CCDC178: variants seen among roughly 807,000 people sequenced by gnomAD.
CCDC178 encodes the protein coiled-coil domain-containing protein 178.
A neutral mutation model predicts 117.4 loss-of-function variants in CCDC178; 126 were observed. The ratio of observed to expected loss-of-function variants is 1.07; its 90% CI spans 0.93 to 1.24. The LOEUF is 1.24. CCDC178 is among the 50% of genes most tolerant of loss of function. The pLI is 0.00. For synonymous variants in CCDC178, 283 were observed against 313.4 expected (o/e 0.90, Z 1.02); for missense variants, 1,030 against 986.9 (o/e 1.04, Z -0.59).
At chr18:33,058,815 GT>G (rs745411197) in intron 21 of CCDC178, among the ~76,000 whole-genome samples, 1 of 151,962 alleles carries the variant, frequency 6.6e-6, no homozygotes, top group Non-Finnish European at 1.5e-5. Flanking sequence ...TTAATGAAGT[GT>G]TTTACCTTGC....
chr18:33,247,075 C>CGTGTGTGT lies in CCDC178; in HGVS notation c.1410-1655_1410-1648dup, dbSNP rs150159104. On this transcript the variant is annotated intron_variant, in intron 14 of 22. Transcript: ENST00000383096. Reference sequence around the variant, plus strand: ...TATGTGTATATATGTAAGTGTGTTACGTGTGTGTGTGTGTGTGTGAGAGAG... The same window carrying CGTGTGTGT: ...TATGTGTATATATGTAAGTGTGTTACGTGTGTGTGTGTGTGTGTGTGTGTGTGAGAGAG... 5.2e-4 allele frequency among the ~76,000 whole-genome samples: 77 copies of CGTGTGTGT among 147,750 alleles called. 2 individuals carry two copies. The East Asian group carries it at 0.013, about 25-fold the overall frequency.
chr18:33,043,774 G>T (rs1366138220), intron 21 of CCDC178, among the ~76,000 whole-genome samples: 1 of 151,738 alleles, frequency 6.6e-6, no homozygotes, highest in Non-Finnish European at 1.5e-5. Context: ...CCAATGCTCA[G>T]ATTTTCTAGC....
At chr18:33,075,263 T>C (rs772912099) in intron 21 of CCDC178, among the ~76,000 whole-genome samples, 8 of 152,212 alleles carry the variant, frequency 5.3e-5, no homozygotes, top group Non-Finnish European at 1.0e-4. Context: ...GAAAAGAGAA[T>C]TGAAGACTTG....
intron 6 of CCDC178, among the ~76,000 whole-genome samples, chr18:33,357,234 C>A (rs1351805747): frequency 6.6e-6 from 1 of 152,098 alleles, no homozygotes; most frequent in African/African-American, 2.4e-5. Flanking sequence ...ACCTTGGGCA[C>A]ATGTTCCTGG....
chr18:33,119,102 CA>C (rs1814700360), intron 20 of CCDC178, among the ~76,000 whole-genome samples: 1 of 152,172 alleles, frequency 6.6e-6, no homozygotes, highest in Admixed American at 6.5e-5. Flanking sequence ...AAAACCTAGG[CA>C]ACATCATTCA....
In CCDC178 at chr18:33,370,157, A is replaced by C; in HGVS notation, c.241T>G (p.Cys81Gly). The change falls in exon 6 of 23, where the codon TGT becomes GGT. Residue 81 changes from cysteine to glycine, a missense_variant. Physicochemically the swap from Cys to Gly is radical, Grantham distance 159. Transcript: ENST00000383096. The part of the protein sequence containing the change: ...VNKGIYFSYP[C>G]RRHSCAVVNI... ...ACTACGGCACAGCTGTGACGTCGACATGGGTAGCTAAAGTAAATGCCTTTA... is the reference window on the plus strand; with the variant it reads ...ACTACGGCACAGCTGTGACGTCGACCTGGGTAGCTAAAGTAAATGCCTTTA... 6.2e-7 allele frequency: 1 copy of C among 1,604,638 alleles called. No individual in the cohort carries two copies. The highest frequency in any genetic ancestry group is 1.3e-5 in the African/African-American group (1 of 74,294).
chr18:33,388,743 T>G (rs1035470763), intron 5 of CCDC178, among the ~76,000 whole-genome samples: 3 of 151,272 alleles, frequency 2.0e-5, no homozygotes, highest in Admixed American at 6.6e-5. Flanking sequence ...ATGGTCTCGA[T>G]CTCCTGACCT....
At position 33,226,832 on chromosome 18, in the gene CCDC178, T is replaced by C. The variant is rs771616282; in HGVS notation, c.1617A>G (p.Lys539=). Residue 539 remains lysine, a synonymous_variant, in exon 16 of 23, where the codon AAA becomes AAG. Transcript: ENST00000383096. ...KFKGREEFLK[K]LTQGEVAAGM... is the part of the protein sequence containing the mutation. ...CAGCAGCCACTTCACCTTGAGTGAG[T>C]TTTTTCAGGAATTCTTCTCTACCCT... The C allele has an allele frequency of 3.1e-6, 5 of 1,601,066 alleles. No homozygotes were observed. Among genetic ancestry groups the C allele is most frequent in the South Asian group, 1.1e-5 (1 of 89,828 alleles).
At position 33,060,354 on chromosome 18, in the gene CCDC178, T is replaced by A. The variant is rs558629146; in HGVS notation, c.2388+32407A>T. Among the ~76,000 whole-genome samples the A allele has an allele frequency of 8.9e-4, 135 of 152,100 alleles. 1 individual carries two copies. Among genetic ancestry groups the A allele is most frequent in the Admixed American group, 4.6e-4 (7 of 15,264 alleles). ...TACTTGCCATAAAGCCTTTATAATA[T>A]TATTTGAGGAAACTCCATTGCTAAT... On this transcript the variant is annotated intron_variant, in intron 21 of 22. Coordinates refer to ENST00000383096, the MANE Select transcript of CCDC178 (RefSeq NM_001105528.4).
intron 21 of CCDC178, among the ~76,000 whole-genome samples, chr18:33,031,460 T>A (rs2056341561): frequency 6.6e-6 from 1 of 152,142 alleles, no homozygotes. Context: ...GCATACATTT[T>A]AACCTCATAG....
At chr18:33,356,594 T>C (rs2063060659) in intron 6 of CCDC178, among the ~76,000 whole-genome samples, 1 of 152,076 alleles carries the variant, frequency 6.6e-6, no homozygotes, top group Non-Finnish European at 1.5e-5. Flanking sequence ...AGGACATGAA[T>C]AGGAAAGGGG....
At chr18:33,273,041 C>CA (rs150996114) in intron 12 of CCDC178, among the ~76,000 whole-genome samples, 257 of 123,986 alleles carry the variant, frequency 2.1e-3, no homozygotes, top group Middle Eastern at 4.1e-3. Flanking sequence ...AGTAATTAGG[C>CA]AAAAAAAAAA....
chr18:33,429,209 T>C (rs908139864), intron 2 of CCDC178, among the ~76,000 whole-genome samples: 13 of 152,070 alleles, frequency 8.5e-5, no homozygotes, highest in African/African-American at 3.1e-4. Flanking sequence ...AATATATAAA[T>C]AGTTAGAAAA....
intron 21 of CCDC178, among the ~76,000 whole-genome samples, chr18:33,090,213 T>A (rs1440370945): frequency 6.6e-6 from 1 of 152,154 alleles, no homozygotes; most frequent in Non-Finnish European, 1.5e-5. Context: ...TAGGTTTTCT[T>A]TATTACTCTT....
chr18:33,408,265 A>G (rs935601932), intron 3 of CCDC178, among the ~76,000 whole-genome samples: 1 of 151,990 alleles, frequency 6.6e-6, no homozygotes, highest in African/African-American at 2.4e-5. Context: ...TTAATGGCAA[A>G]ACATTAAAAG....
chr18:33,288,080 C>A (rs2060120910), intron 12 of CCDC178, among the ~76,000 whole-genome samples: 1 of 152,086 alleles, frequency 6.6e-6, no homozygotes, highest in African/African-American at 2.4e-5. Flanking sequence ...CCTGGGAAAG[C>A]TACAGGCATT....
At chr18:33,142,822 A>G (rs1199552868) in intron 20 of CCDC178, among the ~76,000 whole-genome samples, 3 of 152,204 alleles carry the variant, frequency 2.0e-5, no homozygotes, top group African/African-American at 7.2e-5. Flanking sequence ...CTGATGCAAA[A>G]GTAATTGCAG....
chr18:33,198,915 C>T (rs1386887046), intron 20 of CCDC178, among the ~76,000 whole-genome samples: 1 of 152,048 alleles, frequency 6.6e-6, no homozygotes, highest in Non-Finnish European at 1.5e-5. Flanking sequence ...GGCTAATATG[C>T]TTCTCAGAGT....
chr18:33,002,689 A>T (rs1490663906), intron 21 of CCDC178, among the ~76,000 whole-genome samples: 1 of 152,116 alleles, frequency 6.6e-6, no homozygotes, highest in African/African-American at 2.4e-5. Flanking sequence ...TCAGAGCAGA[A>T]ATAAATGAAA....
Sources: allele counts gnomAD v4.1 joint callset (sites outside exome capture counted in the v4.1 genomes callset), GRCh38; gene constraint gnomAD v4.1.1; transcripts MANE v1.5; gene names NCBI Gene and HGNC (gene_info 2026-07-23, HGNC 2026-07-21).